GOPC: variants seen among roughly 807,000 people sequenced by gnomAD.
GOPC encodes the protein Golgi-associated PDZ and coiled-coil motif-containing protein.
Under a neutral mutation model 51.2 loss-of-function variants are expected in GOPC, and 32 were observed. That is an observed-to-expected ratio of 0.63 (90% CI 0.47 to 0.84). The LOEUF (loss-of-function observed/expected upper bound fraction) is 0.84. GOPC is among the 40% of genes least tolerant of loss of function. The pLI is 0.00. For missense variants in GOPC, 441 were observed against 555.5 expected, an observed-to-expected ratio of 0.79 and a Z score of 2.07; for synonymous variants, 190 against 205.1, an observed-to-expected ratio of 0.93 and a Z score of 0.63.
intron 4 of GOPC, among the ~76,000 whole-genome samples, chr6:117,574,120 G>GCGTGCCTGTGGTCT (rs1779844571): frequency 6.6e-6 from 1 of 151,994 alleles, no homozygotes. Context: ...AGGCATGGTG[G>GCGTGCCTGTGGTCT]CATGCCTGTG....
intron 7 of GOPC, among the ~76,000 whole-genome samples, chr6:117,568,407 C>A (rs1386972220): frequency 1.3e-5 from 2 of 152,162 alleles, no homozygotes; most frequent in East Asian, 3.9e-4. Flanking sequence ...TCTTTCCCAG[C>A]AGTTTAAGGT....
intron 1 of GOPC, among the ~76,000 whole-genome samples, chr6:117,600,402 T>C (rs1253032266): frequency 2.0e-5 from 3 of 152,234 alleles, no homozygotes; most frequent in Non-Finnish European, 4.4e-5. Context: ...ACATTGGAGA[T>C]TCAATACTGT....
intron 1 of GOPC, among the ~76,000 whole-genome samples, chr6:117,588,112 C>G (rs1485423413): frequency 3.9e-5 from 6 of 152,060 alleles, no homozygotes; most frequent in Admixed American, 3.3e-4. Flanking sequence ...AACTCCTAGT[C>G]TAAAGTGATG....
chr6:117,586,257 T>A (rs1177884847), intron 1 of GOPC, among the ~76,000 whole-genome samples: 1 of 152,026 alleles, frequency 6.6e-6, no homozygotes, highest in Admixed American at 6.6e-5. Context: ...ATAAAAATCA[T>A]ATAGAGATGG....
chr6:117,602,259 T>G lies in GOPC; in HGVS notation c.30A>C (p.Ala10=). 6.3e-7 allele frequency: 1 copy of G among 1,597,278 alleles called. No homozygotes were observed. Among genetic ancestry groups the G allele is most frequent in the Non-Finnish European group, 8.5e-7 (1 of 1,178,590 alleles). The change falls in exon 1 of 9, where the codon GCA becomes GCC. Residue 10 remains alanine (A), a synonymous_variant. Transcript: ENST00000368498. ...AGGCGCCCCCTGGGCCCCCTCCGGC[T>G]GCTGCTGGGCATGGACCGCCCGCCG... MSAGGPCPA[A]AGGGPGGASC...
chr6:117,600,908 T>C (rs533073186), intron 1 of GOPC, among the ~76,000 whole-genome samples: 115 of 152,222 alleles, frequency 7.6e-4, no homozygotes, highest in Non-Finnish European at 1.6e-3. Context: ...AAATCTATGT[T>C]AATCAAAGAT....
rs548435182 is a variant in GOPC at position 117,574,260 on chromosome 6, A to T, written c.651-628T>A. On this transcript the variant is annotated intron_variant, in intron 4 of 8. Transcript: ENST00000368498. ...AGTGAGACCCCATCTCACAAAATTT[A>T]AAAAAAAAAAAAAGTTACTAGAAAA... is the stretch of plus-strand genomic sequence containing the variant. Among the ~76,000 whole-genome samples, 1,130 of 143,440 alleles carry T rather than the reference A, an allele frequency of 7.9e-3. 11 individuals carry two copies. The highest frequency in any genetic ancestry group is 0.026 in the African/African-American group (1,028 of 39,372). 94.1% of individuals were successfully genotyped at this position (143,440 alleles called of 152,430 possible).
rs774142350 is a variant in GOPC, at chr6:117,602,196, G to A, written c.93C>T (p.Phe31=). ...SVGAPGGVSM[F]RWLEVLEKEF... ...CCTTCTCCAGCACCTCCAGCCACCG[G>A]AACATGGATACCCCGCCAGGGGCCC... The change falls in exon 1 of 9, where the codon TTC becomes TTT. Residue 31 remains phenylalanine (F), a synonymous_variant. Coordinates refer to ENST00000368498, the MANE Select transcript of GOPC (RefSeq NM_020399.4). The A allele has an allele frequency of 1.1e-5, 18 of 1,611,194 alleles. No individual in the cohort carries two copies. The South Asian group carries it at 1.8e-4, about 16-fold the overall frequency.
chr6:117,591,666 A>G (rs1338442574), intron 1 of GOPC, among the ~76,000 whole-genome samples: 2 of 152,162 alleles, frequency 1.3e-5, no homozygotes, highest in Non-Finnish European at 2.9e-5. Flanking sequence ...GGTGCCATAA[A>G]AGAGCAAGGC....
intron 1 of GOPC, among the ~76,000 whole-genome samples, chr6:117,580,491 C>T (rs746241446): frequency 6.6e-6 from 1 of 151,878 alleles, no homozygotes; most frequent in Non-Finnish European, 1.5e-5. Context: ...GGATATGACC[C>T]GATAGGAGAA....
chr6:117,564,897 C>A (rs1779663278), intron 8 of GOPC, among the ~76,000 whole-genome samples: 1 of 152,168 alleles, frequency 6.6e-6, no homozygotes, highest in South Asian at 2.1e-4. Flanking sequence ...GTTTACAACA[C>A]ACAAGTTTAT....
In GOPC at chr6:117,579,178, C is replaced by T. The variant is rs1779924773; in HGVS notation, c.286-114G>A. Reference sequence around the variant, plus strand: ...ACTACCTTTGAAATAAATACACAAACATTAGAATAATATTATCCAAGATAC... The same window carrying T: ...ACTACCTTTGAAATAAATACACAAATATTAGAATAATATTATCCAAGATAC... On this transcript the variant is annotated intron_variant, in intron 1 of 8. Coordinates refer to ENST00000368498, the MANE Select transcript of GOPC (RefSeq NM_020399.4). The T allele has an allele frequency of 4.3e-5, 33 of 767,836 alleles. No homozygotes were observed. In the South Asian group the frequency reaches 6.9e-4, roughly 16 times the overall value. The allele number at this position is 767,836 out of a possible 1,614,324, so 47.6% of individuals were successfully genotyped here.
At chr6:117,597,146 GTCTTA>G (rs899533813) in intron 1 of GOPC, among the ~76,000 whole-genome samples, 1 of 151,954 alleles carries the variant, frequency 6.6e-6, no homozygotes, top group Non-Finnish European at 1.5e-5. Flanking sequence ...TTTTTTGCAA[GTCTTA>G]TAAAAGTGGC....
At chr6:117,579,825 A>T (rs750673232) in intron 1 of GOPC, among the ~76,000 whole-genome samples, 3 of 152,212 alleles carry the variant, frequency 2.0e-5, no homozygotes, top group Non-Finnish European at 4.4e-5. Flanking sequence ...AAGGGCCCAG[A>T]ACTATGCCAG....
chr6:117,592,398 A>G (rs958466656), intron 1 of GOPC, among the ~76,000 whole-genome samples: 1 of 152,088 alleles, frequency 6.6e-6, no homozygotes, highest in African/African-American at 2.4e-5. Context: ...GTGGTGGCTT[A>G]AAACAACAAC....
intron 1 of GOPC, among the ~76,000 whole-genome samples, chr6:117,599,753 A>C (rs1771961477): frequency 6.6e-6 from 1 of 152,208 alleles, no homozygotes; most frequent in Admixed American, 6.5e-5. Context: ...GTGTGATTTT[A>C]ATTTCTGAAA....
chr6:117,584,651 G>A (rs2114619505), intron 1 of GOPC, among the ~76,000 whole-genome samples: 1 of 152,122 alleles, frequency 6.6e-6, no homozygotes, highest in Middle Eastern at 3.4e-3. Context: ...GTCCTTTTAG[G>A]TTTTTATGGA....
At chr6:117,591,055 T>C (rs1369138807) in intron 1 of GOPC, among the ~76,000 whole-genome samples, 1 of 152,168 alleles carries the variant, frequency 6.6e-6, no homozygotes, top group Non-Finnish European at 1.5e-5. Context: ...TTTCCCCATG[T>C]TAGCCAGGCT....
rs952860893 is a variant in GOPC, at chr6:117,561,726, C to T, written c.*1528G>A. Reference sequence around the variant, plus strand: ...TTAATGTCAGTAACAATATACACTACGAAGTGCACTTCCATTACAAATTAA... The same window carrying T: ...TTAATGTCAGTAACAATATACACTATGAAGTGCACTTCCATTACAAATTAA... On this transcript the variant is annotated 3_prime_UTR_variant, in exon 9 of 9. Coordinates refer to ENST00000368498, the MANE Select transcript of GOPC (RefSeq NM_020399.4). 5 of 205,364 alleles carry T rather than the reference C, an allele frequency of 2.4e-5. No individual in the cohort carries two copies. Among genetic ancestry groups the T allele is most frequent in the Admixed American group, 6.0e-5 (1 of 16,802 alleles). The allele number at this position is 205,364 out of a possible 1,614,324, so 12.7% of individuals were successfully genotyped here. A position where few individuals can be genotyped will look rare whatever the true frequency, so the allele number is the denominator to read the frequency against.
Sources: allele counts gnomAD v4.1 joint callset (sites outside exome capture counted in the v4.1 genomes callset), GRCh38; gene constraint gnomAD v4.1.1; transcripts MANE v1.5; gene names NCBI Gene and HGNC (gene_info 2026-07-23, HGNC 2026-07-21).